LEO1: variants seen among roughly 807,000 people sequenced by gnomAD.
LEO1 encodes RNA polymerase-associated protein LEO1.
A neutral mutation model predicts 80.4 loss-of-function variants in LEO1; 34 were observed. The observed-to-expected ratio is 0.42, with a 90% confidence interval of 0.32 to 0.56. The LOEUF is 0.56. Among genes scored for constraint, LEO1 ranks in the 20% least tolerant of loss-of-function variants. LEO1 has a pLI of 0.10. For missense variants in LEO1, 631 were observed against 814.2 expected, an observed-to-expected ratio of 0.77 and a Z score of 2.74; for synonymous variants, 262 against 274.9, an observed-to-expected ratio of 0.95 and a Z score of 0.46.
intron 11 of LEO1, among the ~76,000 whole-genome samples, chr15:51,942,418 T>TAA (rs57680756): frequency 2.1e-5 from 3 of 144,712 alleles, no homozygotes; most frequent in East Asian, 2.0e-4. Flanking sequence ...ATGGATCACT[T>TAA]AAAAAAAAAA....
chr15:51,957,984 G>GC (rs2141766632), intron 6 of LEO1, among the ~76,000 whole-genome samples: 1 of 152,118 alleles, frequency 6.6e-6, no homozygotes, highest in East Asian at 1.9e-4. Flanking sequence ...TCATGCCACT[G>GC]CCCTCCAGCG....
chr15:51,941,858 C>T (rs999881932), intron 11 of LEO1, among the ~76,000 whole-genome samples: 6 of 152,154 alleles, frequency 3.9e-5, no homozygotes, highest in Non-Finnish European at 7.3e-5. Context: ...TACAAGACAG[C>T]GAGTATAAAC....
intron 10 of LEO1, among the ~76,000 whole-genome samples, chr15:51,948,016 C>T (rs1018261697): frequency 9.2e-5 from 14 of 152,146 alleles, no homozygotes; most frequent in Non-Finnish European, 1.3e-4. Flanking sequence ...ATTCTTCCAC[C>T]AGTAACAGTT....
chr15:51,941,301 T>G (rs2056850392), intron 11 of LEO1, among the ~76,000 whole-genome samples: 2 of 152,200 alleles, frequency 1.3e-5, no homozygotes, highest in South Asian at 4.1e-4. Flanking sequence ...AAAAATATTT[T>G]TATTAAGTCT....
chr15:51,940,354 T>A (rs1335224310), intron 11 of LEO1, among the ~76,000 whole-genome samples: 1 of 137,660 alleles, frequency 7.3e-6, no homozygotes, highest in Non-Finnish European at 1.5e-5. Flanking sequence ...AGGTCAGGAG[T>A]TCAAGACCAG....
chr15:51,949,953 A>C lies in LEO1; in HGVS notation c.1653T>G (p.Ser551=). The change falls in exon 10 of 12, where the codon TCT becomes TCG. Residue 551 remains serine, a synonymous_variant. Coordinates refer to ENST00000299601, the MANE Select transcript of LEO1 (RefSeq NM_138792.4). The part of the protein sequence containing the change: ...ERLRASIRRE[S]QQRRMREKQH... ...GTTTCTCTCTCATTCGGCGCTGCTG[A>C]GATTCCCTACGTATGGAAGCCCTCA... The C allele has an allele frequency of 1.9e-6, 3 of 1,613,878 alleles. 1 individual carries two copies. Among genetic ancestry groups the C allele is most frequent in the Non-Finnish European group, 2.5e-6 (3 of 1,180,006 alleles).
chr15:51,967,239 A>G (rs2057085155), intron 1 of LEO1, among the ~76,000 whole-genome samples: 1 of 152,088 alleles, frequency 6.6e-6, no homozygotes, highest in Non-Finnish European at 1.5e-5. Context: ...TTGGGAGGCC[A>G]AGGCGGGCAG....
intron 3 of LEO1, among the ~76,000 whole-genome samples, chr15:51,961,234 C>T (rs2470602): frequency 0.44 from 66,234 of 151,900 alleles, 14,653 homozygotes; most frequent in Admixed American, 0.52. Flanking sequence ...AATACAAAAA[C>T]TAGCTGGGCT....
At chr15:51,967,064 A>C (rs1392625047) in intron 1 of LEO1, among the ~76,000 whole-genome samples, 1 of 152,240 alleles carries the variant, frequency 6.6e-6, no homozygotes, top group Non-Finnish European at 1.5e-5. Flanking sequence ...ACAGAAAGAA[A>C]AAAGAATAAA....
At chr15:51,944,480 T>C (rs946088526) in intron 11 of LEO1, among the ~76,000 whole-genome samples, 1 of 152,158 alleles carries the variant, frequency 6.6e-6, no homozygotes, top group Non-Finnish European at 1.5e-5. Context: ...TTCAGCTACA[T>C]AGCTTTACAA....
chr15:51,950,805 A>G (rs545063627), intron 9 of LEO1, among the ~76,000 whole-genome samples: 7 of 152,190 alleles, frequency 4.6e-5, no homozygotes, highest in Non-Finnish European at 7.3e-5. Flanking sequence ...CTCCTAGTCT[A>G]CATTTTCACA....
chr15:51,946,048 A>T (rs944040029), intron 11 of LEO1, among the ~76,000 whole-genome samples: 1 of 152,022 alleles, frequency 6.6e-6, no homozygotes, highest in African/African-American at 2.4e-5. Flanking sequence ...AAAAAGAAAA[A>T]GAAAAATTCT....
At position 51,960,650 on chromosome 15, in the gene LEO1, C is replaced by T; in HGVS notation, c.1003G>A (p.Gly335Arg). ...SDGEDKPPTPGQPVDENGLPQ... is the reference protein window; with the variant it reads ...SDGEDKPPTPRQPVDENGLPQ... ...ACTAACTGACTTACAACAGGCTGTC[C>T]TGGAGTAGGTGGTTTGTCTTCTCCA... The change falls in exon 4 of 12, where the codon GGA (glycine) becomes AGA (arginine). Residue 335 changes from glycine to arginine, a missense_variant. Physicochemically the swap from Gly to Arg is moderately radical, Grantham distance 125. Coordinates refer to ENST00000299601, the MANE Select transcript of LEO1 (RefSeq NM_138792.4). The T allele has an allele frequency of 6.3e-7, 1 of 1,593,224 alleles. No homozygotes were observed. The highest frequency in any genetic ancestry group is 8.6e-7 in the Non-Finnish European group (1 of 1,161,020).
chr15:51,940,505 G>C (rs1215717901), intron 11 of LEO1, among the ~76,000 whole-genome samples: 2 of 151,406 alleles, frequency 1.3e-5, no homozygotes, highest in Non-Finnish European at 2.9e-5. Flanking sequence ...AGGTTGCAGT[G>C]AGCTGAGACC....
intron 1 of LEO1, among the ~76,000 whole-genome samples, chr15:51,971,357 C>T (rs908789498): frequency 6.6e-6 from 1 of 152,258 alleles, no homozygotes; most frequent in Non-Finnish European, 1.5e-5. Flanking sequence ...CTACGCTGGC[C>T]TGTGCAAGGC....
chr15:51,944,314 A>G (rs1023899260), intron 11 of LEO1, among the ~76,000 whole-genome samples: 2 of 152,224 alleles, frequency 1.3e-5, no homozygotes, highest in African/African-American at 4.8e-5. Context: ...CAAAGTGCCA[A>G]AAGAAATCAC....
intron 11 of LEO1, among the ~76,000 whole-genome samples, chr15:51,940,124 G>A (rs140084170): frequency 0.015 from 2,338 of 151,120 alleles, 66 homozygotes; most frequent in East Asian, 0.075. Flanking sequence ...GCGTGGTGGC[G>A]CATGCCTGTA....
chr15:51,964,068 T>C (rs1241321784), intron 2 of LEO1, among the ~76,000 whole-genome samples: 1 of 151,438 alleles, frequency 6.6e-6, no homozygotes, highest in East Asian at 1.9e-4. Context: ...TAGCCGGGCG[T>C]GGTGGCGGGT....
intron 10 of LEO1, 84 bp from the exon 11 acceptor site, chr15:51,947,473 T>TG: frequency 1.1e-6 from 1 of 917,016 alleles, no homozygotes. Flanking sequence ...TGGAGTGCAG[T>TG]GGCACAATCA....
Sources: allele counts gnomAD v4.1 joint callset (sites outside exome capture counted in the v4.1 genomes callset), GRCh38; gene constraint gnomAD v4.1.1; transcripts MANE v1.5; gene names NCBI Gene and HGNC (gene_info 2026-07-23, HGNC 2026-07-21).